FAM220A: variants seen among roughly 807,000 people sequenced by gnomAD.
The protein encoded by FAM220A is protein FAM220A.
For synonymous variants in FAM220A, 141 were observed against 130.7 expected (o/e 1.08, Z -0.54); for missense variants, 392 against 321.6 (o/e 1.22, Z -1.68).
intron 1 of FAM220A, among the ~76,000 whole-genome samples, chr7:6,339,467 A>T (rs1413893855): frequency 6.6e-6 from 1 of 151,012 alleles, no homozygotes; most frequent in Non-Finnish European, 1.5e-5. Flanking sequence ...CCCCTATAAA[A>T]CCAGCTGTGT....
chr7:6,329,749 G>T lies in FAM220A; in HGVS notation c.*626C>A, dbSNP rs1393043567. ...CTACTTTTTTCTCGAGCTCATTTTT[G>T]TTTAAGGTAACACTGCTAGGGTTCT... On this transcript the variant is annotated 3_prime_UTR_variant, in exon 2 of 2. Coordinates refer to ENST00000313324, the MANE Select transcript of FAM220A (RefSeq NM_001037163.2). 1 of 166,034 alleles carries T rather than the reference G, an allele frequency of 6.0e-6. No individual in the cohort carries two copies. Among genetic ancestry groups the T allele is most frequent in the Non-Finnish European group, 1.5e-5 (1 of 68,096 alleles). 10.3% of individuals were successfully genotyped at this position (166,034 alleles called of 1,614,324 possible).
chr7:6,335,819 G>A (rs998936899), intron 1 of FAM220A, among the ~76,000 whole-genome samples: 3 of 152,086 alleles, frequency 2.0e-5, no homozygotes, highest in Admixed American at 2.0e-4. Context: ...AGGATGGCTT[G>A]AGCCCAGGGG....
intron 1 of FAM220A, among the ~76,000 whole-genome samples, chr7:6,336,642 C>G (rs1035726976): frequency 3.3e-5 from 5 of 151,454 alleles, no homozygotes; most frequent in Non-Finnish European, 5.9e-5. Flanking sequence ...CAAGATGGCA[C>G]CACTGTACTC....
In FAM220A at chr7:6,330,252, C is replaced by T. The variant is rs1781600696; in HGVS notation, c.*123G>A. On this transcript the variant is annotated 3_prime_UTR_variant, in exon 2 of 2. Coordinates refer to ENST00000313324, the MANE Select transcript of FAM220A (RefSeq NM_001037163.2). ...TAAACTCAATTTACTTTAAGTCTGC[C>T]AGGTCGTACAAAACTACAGCAGGAA... 3.2e-6 allele frequency: 3 copies of T among 949,448 alleles called. No individual in the cohort carries two copies. Among genetic ancestry groups the T allele is most frequent in the Non-Finnish European group, 4.7e-6 (3 of 640,188 alleles). 58.8% of individuals were successfully genotyped at this position (949,448 alleles called of 1,614,324 possible).
intron 1 of FAM220A, among the ~76,000 whole-genome samples, chr7:6,347,314 A>C (rs1029502461): frequency 1.9e-4 from 29 of 152,190 alleles, no homozygotes; most frequent in African/African-American, 6.3e-4. Flanking sequence ...CAGGATTTTG[A>C]GACCAGCCTG....
chr7:6,334,125 C>A (rs866475512), intron 1 of FAM220A, among the ~76,000 whole-genome samples: 1 of 151,452 alleles, frequency 6.6e-6, no homozygotes. Context: ...GGATTACAAG[C>A]GTGAGCCACC....
intron 1 of FAM220A, among the ~76,000 whole-genome samples, chr7:6,332,377 A>G (rs903452912): frequency 6.6e-6 from 1 of 152,132 alleles, no homozygotes; most frequent in Admixed American, 6.6e-5. Context: ...TGCCCTATGG[A>G]TACTGACCAG....
intron 1 of FAM220A, among the ~76,000 whole-genome samples, chr7:6,333,575 T>C (rs1290118760): frequency 6.6e-6 from 1 of 152,096 alleles, no homozygotes; most frequent in Non-Finnish European, 1.5e-5. Flanking sequence ...CACAGCTCAC[T>C]GCAGCCTGTA....
chr7:6,346,426 G>A (rs1183887177), intron 1 of FAM220A, among the ~76,000 whole-genome samples: 1 of 152,138 alleles, frequency 6.6e-6, no homozygotes, highest in Non-Finnish European at 1.5e-5. Flanking sequence ...GAGTGCAGTG[G>A]CACAATCTCG....
intron 1 of FAM220A, among the ~76,000 whole-genome samples, chr7:6,343,397 CATATATATATATATATAT>C (rs10529573): frequency 0.094 from 8,182 of 86,944 alleles, 464 homozygotes; most frequent in South Asian, 0.16. Context: ...ATAATAATTT[CATATATATATATATATAT>C]ATATATATAT....
chr7:6,340,603 G>C (rs898444420), intron 1 of FAM220A, among the ~76,000 whole-genome samples: 3 of 152,028 alleles, frequency 2.0e-5, no homozygotes, highest in African/African-American at 4.8e-5. Context: ...GGTTGACAAT[G>C]ACTTAAAAAA....
At chr7:6,336,704 A>G (rs1781754934) in intron 1 of FAM220A, among the ~76,000 whole-genome samples, 1 of 148,358 alleles carries the variant, frequency 6.7e-6, no homozygotes, top group Non-Finnish European at 1.5e-5. Flanking sequence ...AAAAAGCTGG[A>G]GTGCAATGGC....
In FAM220A at chr7:6,333,772, C is replaced by CTT. The variant is rs531956945; in HGVS notation, c.-81-2539_-81-2538dup. On this transcript the variant is annotated intron_variant, in intron 1 of 1. Transcript: ENST00000313324. The stretch of plus-strand genomic sequence containing the variant: ...AGTAGGTGACTTGAAGAACAAGTGT[C>CTT]TTTTTTTTTTTTTTAATAGAGACAG... 3.4e-3 allele frequency among the ~76,000 whole-genome samples: 424 copies of CTT among 125,064 alleles called. 4 individuals carry two copies. The highest frequency in any genetic ancestry group is 0.012 in the African/African-American group (409 of 34,412). 82.0% of individuals were successfully genotyped at this position (125,064 alleles called of 152,430 possible).
At chr7:6,340,025 C>G (rs1452941075) in intron 1 of FAM220A, among the ~76,000 whole-genome samples, 2 of 152,288 alleles carry the variant, frequency 1.3e-5, no homozygotes, top group East Asian at 3.9e-4. Flanking sequence ...GCTGGGATTA[C>G]AGGCATGCAC....
chr7:6,334,628 G>A (rs530424281), intron 1 of FAM220A, among the ~76,000 whole-genome samples: 78 of 151,958 alleles, frequency 5.1e-4, no homozygotes, highest in African/African-American at 1.1e-3. Context: ...CGCCACGCCC[G>A]GCTAATTTTT....
chr7:6,330,146 T>C lies in FAM220A; in HGVS notation c.*229A>G, dbSNP rs1781598920. 3 of 546,808 alleles carry C rather than the reference T, an allele frequency of 5.5e-6. No homozygotes were observed. Among genetic ancestry groups the C allele is most frequent in the African/African-American group, 3.8e-5 (2 of 52,404 alleles). 33.9% of individuals were successfully genotyped at this position (546,808 alleles called of 1,614,324 possible). On this transcript the variant is annotated 3_prime_UTR_variant, in exon 2 of 2. Coordinates refer to ENST00000313324, the MANE Select transcript of FAM220A (RefSeq NM_001037163.2). ...AGGCTATGATCGTCTCCTGAAATGT[T>C]TCCCAATTCTTTATATGTCTTTTAA...
intron 1 of FAM220A, among the ~76,000 whole-genome samples, chr7:6,333,070 T>A (rs117569444): frequency 6.6e-6 from 1 of 151,216 alleles, no homozygotes; most frequent in Non-Finnish European, 1.5e-5. Context: ...AGCGAGAGAA[T>A]TGCGTGAACC....
chr7:6,347,622 C>T (rs35458416), intron 1 of FAM220A, among the ~76,000 whole-genome samples: 1 of 152,116 alleles, frequency 6.6e-6, no homozygotes, highest in African/African-American at 2.4e-5. Flanking sequence ...GCCTCTGAGA[C>T]GTTTTGTGCT....
At chr7:6,347,956 G>C (rs903899798) in intron 1 of FAM220A, among the ~76,000 whole-genome samples, 5 of 149,442 alleles carry the variant, frequency 3.3e-5, no homozygotes, top group African/African-American at 1.2e-4. Flanking sequence ...TGCTGCCCAG[G>C]CTGGAGCGCA....
Sources: gnomAD v4.1 joint callset for allele counts (sites outside exome capture counted in the v4.1 genomes callset) on GRCh38, gnomAD v4.1.1 for gene constraint, MANE v1.5 for transcripts, NCBI Gene and HGNC (gene_info 2026-07-23, HGNC 2026-07-21) for gene names.